CFAP58: variants seen among roughly 807,000 people sequenced by gnomAD.
CFAP58 encodes the protein cilia and flagella associated protein 58.
In CFAP58, 88 loss-of-function variants were observed where a neutral mutation model predicts 119.5. That is an observed-to-expected ratio of 0.74 (90% CI 0.62 to 0.88). CFAP58 has a LOEUF of 0.88. Among genes scored for constraint, CFAP58 ranks in the 40% least tolerant of loss-of-function variants. The pLI is 0.00. For synonymous variants in CFAP58, 365 were observed against 366.3 expected (o/e 1.00, Z 0.04); for missense variants, 990 against 1,021.2 (o/e 0.97, Z 0.42).
chr10:104,351,530 C>T (rs971330409), upstream of CFAP58: 60 of 152,142 alleles, frequency 3.9e-4, no homozygotes, highest in African/African-American at 1.4e-3. Context: ...GAGCTCAGAA[C>T]ATACTCATGT....
the CFAP58 span, among the ~76,000 whole-genome samples, chr10:104,345,711 G>C: frequency 6.6e-6 from 1 of 151,966 alleles, no homozygotes; most frequent in African/African-American, 2.4e-5. Flanking sequence ...TAATTAACTG[G>C]GTAAGATTTT....
At chr10:104,338,901 A>G in the CFAP58 span, among the ~76,000 whole-genome samples, 38,296 of 146,556 alleles carry the variant, frequency 0.26, 5,103 homozygotes, top group Middle Eastern at 0.3. Flanking sequence ...AAAATAGCTT[A>G]CTACCGTTTT....
intron 11 of CFAP58, among the ~76,000 whole-genome samples, chr10:104,394,065 A>G (rs1394121805): frequency 6.6e-6 from 1 of 152,204 alleles, no homozygotes; most frequent in Non-Finnish European, 1.5e-5. Flanking sequence ...CTCTGTCTTC[A>G]TATATCTTAC....
chr10:104,450,745 A>G (rs1390263978), intron 17 of CFAP58, among the ~76,000 whole-genome samples: 1 of 150,020 alleles, frequency 6.7e-6, no homozygotes, highest in African/African-American at 2.5e-5. Context: ...GGGTCTTGGT[A>G]TGTTGCCCAG....
At chr10:104,449,016 G>C (rs1181299300) in intron 16 of CFAP58, among the ~76,000 whole-genome samples, 1 of 152,202 alleles carries the variant, frequency 6.6e-6, no homozygotes, top group Non-Finnish European at 1.5e-5. Context: ...AATGAAATGT[G>C]ACCCCTCATG....
At chr10:104,401,879 T>C (rs1031102058) in intron 13 of CFAP58, among the ~76,000 whole-genome samples, 15 of 152,002 alleles carry the variant, frequency 9.9e-5, no homozygotes, top group African/African-American at 3.6e-4. Context: ...CACTCATAAC[T>C]TTACTACCCA....
intron 13 of CFAP58, 61 bp from the exon 14 acceptor site, chr10:104,403,668 G>T (rs2012306992): frequency 8.8e-7 from 1 of 1,137,212 alleles, no homozygotes; most frequent in Middle Eastern, 2.8e-4. Flanking sequence ...ACTAATTAAA[G>T]ATAGATAGGA....
At position 104,431,471 on chromosome 10, in the gene CFAP58, A is replaced by G. The variant is rs184289122; in HGVS notation, c.2257-16227A>G. Among the ~76,000 whole-genome samples, 779 of 152,324 alleles carry G rather than the reference A, an allele frequency of 5.1e-3. 3 individuals carry two copies. Among genetic ancestry groups the G allele is most frequent in the Non-Finnish European group, 9.2e-3 (624 of 68,022 alleles). On this transcript the variant is annotated intron_variant, in intron 15 of 17. Coordinates refer to ENST00000369704, the MANE Select transcript of CFAP58 (RefSeq NM_001008723.2). ...GAATAAACTATAAATATATTTCTAC[A>G]TATTCTTGAGGGTGGGAAAAATCCC...
chr10:104,403,308 C>T (rs2012298936), intron 13 of CFAP58, among the ~76,000 whole-genome samples: 1 of 152,184 alleles, frequency 6.6e-6, no homozygotes, highest in Admixed American at 6.5e-5. Context: ...CTTTGTCTTC[C>T]TCCATGATTG....
intron 1 of CFAP58, among the ~76,000 whole-genome samples, chr10:104,356,348 G>A (rs1015103926): frequency 3.3e-5 from 5 of 152,128 alleles, no homozygotes; most frequent in Admixed American, 6.5e-5. Context: ...CAAAACAGAA[G>A]GTAAACTAGA....
intron 17 of CFAP58, among the ~76,000 whole-genome samples, chr10:104,452,253 TA>T (rs2013208905): frequency 6.6e-6 from 1 of 152,014 alleles, no homozygotes; most frequent in South Asian, 2.1e-4. Context: ...CATAAAATAG[TA>T]AGAAATAATA....
intron 11 of CFAP58, among the ~76,000 whole-genome samples, chr10:104,396,777 G>A (rs1313446024): frequency 6.6e-6 from 1 of 152,178 alleles, no homozygotes; most frequent in African/African-American, 2.4e-5. Context: ...TCCCACCTAG[G>A]GCGTTGCTTG....
intron 3 of CFAP58, among the ~76,000 whole-genome samples, chr10:104,363,446 T>C (rs1320206924): frequency 6.6e-6 from 1 of 152,192 alleles, no homozygotes; most frequent in African/African-American, 2.4e-5. Flanking sequence ...AGTACAGGTG[T>C]TGGGAGAGGG....
intron 9 of CFAP58, among the ~76,000 whole-genome samples, chr10:104,388,671 A>G (rs1220217683): frequency 1.3e-5 from 2 of 152,228 alleles, no homozygotes; most frequent in Non-Finnish European, 2.9e-5. Context: ...CTGATATTTC[A>G]TCAAATGTAC....
chr10:104,368,403 G>T lies in CFAP58; in HGVS notation c.793-20G>T. 6.2e-7 allele frequency: 1 copy of T among 1,612,648 alleles called. No individual in the cohort carries two copies. Among genetic ancestry groups the T allele is most frequent in the South Asian group, 1.1e-5 (1 of 91,014 alleles). ...TAATCAGATTAAAAAGCATTAACCA[G>T]CTCATTCCATCCCTTTCAGATATTG... On this transcript the variant is annotated intron_variant, in intron 5 of 17. Transcript: ENST00000369704.
intron 15 of CFAP58, among the ~76,000 whole-genome samples, chr10:104,447,346 T>C (rs1189044790): frequency 1.3e-5 from 2 of 152,134 alleles, no homozygotes; most frequent in Admixed American, 1.3e-4. Context: ...CTCTCTTTTT[T>C]ACTTCCTCCT....
chr10:104,444,103 C>T (rs2013078302), intron 15 of CFAP58, among the ~76,000 whole-genome samples: 1 of 152,190 alleles, frequency 6.6e-6, no homozygotes, highest in Non-Finnish European at 1.5e-5. Context: ...AGTAGTTGAG[C>T]TTGATTCCAG....
chr10:104,364,784 G>A lies in CFAP58; in HGVS notation c.492G>A (p.Gln164=), dbSNP rs1462730173. The stretch of plus-strand genomic sequence containing the variant: ...AAGAAGTGACAAAGGAGAGAGACCA[G>A]CTCTTATCAGAAGTGGTAAAATTAC... ...FKEEVTKERD[Q]LLSEVVKLRE... is the part of the protein sequence containing the mutation. The change falls in exon 4 of 18, where the codon CAG becomes CAA. Residue 164 remains glutamine, a synonymous_variant. Transcript: ENST00000369704. 3.1e-6 allele frequency: 5 copies of A among 1,612,582 alleles called. No individual in the cohort carries two copies. The highest frequency in any genetic ancestry group is 1.7e-5 in the Admixed American group (1 of 59,774).
chr10:104,381,160 A>C (rs1302338813), intron 9 of CFAP58, among the ~76,000 whole-genome samples: 1 of 152,100 alleles, frequency 6.6e-6, no homozygotes, highest in Non-Finnish European at 1.5e-5. Flanking sequence ...AAAACAAACA[A>C]ACAAACAAAC....
Sources: gnomAD v4.1 joint callset for allele counts (sites outside exome capture counted in the v4.1 genomes callset) on GRCh38, gnomAD v4.1.1 for gene constraint, MANE v1.5 for transcripts, NCBI Gene and HGNC (gene_info 2026-07-23, HGNC 2026-07-21) for gene names.